RIMS2: variants seen among roughly 807,000 people sequenced by gnomAD.
RIMS2 encodes regulating synaptic membrane exocytosis protein 2.
RIMS2 carries 59 observed loss-of-function variants against 174.4 expected under a neutral mutation model. The observed-to-expected ratio is 0.34, with a 90% CI of 0.27 to 0.42. The LOEUF is 0.42. Ranked by LOEUF, RIMS2 falls within the 10% of genes least tolerant of loss-of-function variation. The probability of loss-of-function intolerance (pLI) is 1.00; values close to 1 mark genes in which losing one functional copy is unlikely to be tolerated. For missense variants in RIMS2, 1,620 were observed against 1,666.3 expected (o/e 0.97, Z 0.48); for synonymous variants, 606 against 572.5 (o/e 1.06, Z -0.84).
intron 19 of RIMS2, among the ~76,000 whole-genome samples, chr8:104,096,875 C>CAAAAAA (rs34215707): frequency 1.5e-5 from 2 of 131,136 alleles, no homozygotes; most frequent in African/African-American, 2.8e-5. Flanking sequence ...CGCCCCCCAC[C>CAAAAAA]AAAAAAAAAA....
chr8:104,220,314 G>T (rs917221627), intron 19 of RIMS2, among the ~76,000 whole-genome samples: 1 of 152,098 alleles, frequency 6.6e-6, no homozygotes, highest in Non-Finnish European at 1.5e-5. Flanking sequence ...GGACAACCTT[G>T]TTCTGAAGCT....
At chr8:103,921,961 TTTA>T (rs1434534820) in intron 10 of RIMS2, 177 bp downstream of exon 13, 1 of 380,650 alleles carries the variant, frequency 2.6e-6, no homozygotes, top group Non-Finnish European at 4.7e-6. Context: ...TACTGCTTCA[TTTA>T]TTAAGAGTTA....
chr8:104,219,925 GGTGACA>G (rs978810520), intron 19 of RIMS2, among the ~76,000 whole-genome samples: 1 of 151,712 alleles, frequency 6.6e-6, no homozygotes, highest in African/African-American at 2.4e-5. Flanking sequence ...TTCCTTAGGG[GGTGACA>G]GTACTTAGAA....
chr8:104,218,170 G>C lies in RIMS2; in HGVS notation c.3335-26746G>C, dbSNP rs75372395. On this transcript the variant is annotated intron_variant, in intron 19 of 23. Transcript: ENST00000504942. The stretch of plus-strand genomic sequence containing the variant: ...TGCAGCATGATTTATAACTTTTCAT[G>C]AGAAATTCCCGTCTCTCTCAGCAAC... Among the ~76,000 whole-genome samples the C allele has an allele frequency of 1.4e-4, 21 of 152,310 alleles. No individual in the cohort carries two copies. The East Asian group carries it at 2.5e-3, about 18-fold the overall frequency.
chr8:103,948,612 CAT>C, intron 14 of RIMS2, among the ~76,000 whole-genome samples: 1 of 151,966 alleles, frequency 6.6e-6, no homozygotes, highest in Middle Eastern at 3.4e-3. Flanking sequence ...ACTTATATAA[CAT>C]ATATAGAAGT....
intron 1 of RIMS2, among the ~76,000 whole-genome samples, chr8:103,643,525 G>A (rs940305320): frequency 2.0e-4 from 30 of 152,094 alleles, no homozygotes; most frequent in Admixed American, 1.8e-3. Flanking sequence ...TCTTAAGTAT[G>A]ACATTTTATG....
intron 3 of RIMS2, among the ~76,000 whole-genome samples, chr8:103,882,983 A>G (rs2099175852): frequency 6.6e-6 from 1 of 151,630 alleles, no homozygotes; most frequent in Non-Finnish European, 1.5e-5. Context: ...ATTATGGGAA[A>G]TCTTTAATGC....
chr8:103,916,799 A>C (rs903490264), intron 8 of RIMS2, among the ~76,000 whole-genome samples: 1 of 152,120 alleles, frequency 6.6e-6, no homozygotes, highest in Non-Finnish European at 1.5e-5. Flanking sequence ...ACACTTTAGA[A>C]GGTGGTTATA....
chr8:103,970,948 A>G (rs867830182), intron 15 of RIMS2, among the ~76,000 whole-genome samples: 1 of 152,158 alleles, frequency 6.6e-6, no homozygotes, highest in Non-Finnish European at 1.5e-5. Flanking sequence ...TGCATTGTTA[A>G]TGTTCTTTAA....
At chr8:103,972,024 C>G (rs554203274) in intron 15 of RIMS2, among the ~76,000 whole-genome samples, 1 of 152,138 alleles carries the variant, frequency 6.6e-6, no homozygotes, top group Non-Finnish European at 1.5e-5. Flanking sequence ...CTATCTTACT[C>G]CTTCTCCTAG....
At chr8:104,043,367 T>C (rs1205659820) in intron 19 of RIMS2, among the ~76,000 whole-genome samples, 1 of 151,652 alleles carries the variant, frequency 6.6e-6, no homozygotes, top group Non-Finnish European at 1.5e-5. Flanking sequence ...GCATTGGTTC[T>C]CTAAGATTGT....
intron 19 of RIMS2, among the ~76,000 whole-genome samples, chr8:104,045,272 A>T (rs979484782): frequency 3.3e-5 from 5 of 151,732 alleles, no homozygotes; most frequent in African/African-American, 4.8e-5. Context: ...TCACTACAAC[A>T]TCTTCTACAC....
intron 1 of RIMS2, among the ~76,000 whole-genome samples, chr8:103,557,992 G>A (rs371312761): frequency 6.6e-6 from 1 of 152,142 alleles, no homozygotes; most frequent in Non-Finnish European, 1.5e-5. Context: ...TATCTCCAAA[G>A]TTCCTTCAGT....
intron 3 of RIMS2, among the ~76,000 whole-genome samples, chr8:103,809,372 AAC>A (rs1311707636): frequency 6.6e-6 from 1 of 152,044 alleles, no homozygotes; most frequent in African/African-American, 2.4e-5. Flanking sequence ...AATTCTCAAT[AAC>A]ACATATAATT....
intron 1 of RIMS2, among the ~76,000 whole-genome samples, chr8:103,585,391 C>G (rs1200428518): frequency 6.7e-6 from 1 of 149,288 alleles, no homozygotes; most frequent in Non-Finnish European, 1.5e-5. Context: ...GGTATATACC[C>G]AAAGGATTAG....
chr8:103,836,810 A>G (rs1450899735), intron 3 of RIMS2, among the ~76,000 whole-genome samples: 6 of 152,212 alleles, frequency 3.9e-5, no homozygotes, highest in African/African-American at 1.2e-4. Flanking sequence ...TTTAAAAACT[A>G]TTACCATATT....
chr8:104,113,049 G>A (rs981935276), intron 19 of RIMS2, among the ~76,000 whole-genome samples: 10 of 151,952 alleles, frequency 6.6e-5, no homozygotes, highest in African/African-American at 2.4e-4. Flanking sequence ...TCTTAAAATT[G>A]TAACATAGTA....
chr8:104,063,527 G>A (rs2097046085), intron 19 of RIMS2, among the ~76,000 whole-genome samples: 1 of 152,280 alleles, frequency 6.6e-6, no homozygotes, highest in South Asian at 2.1e-4. Flanking sequence ...GTAAGGAATA[G>A]AGGGAATGTT....
chr8:103,811,982 T>C (rs2098690491), intron 3 of RIMS2, among the ~76,000 whole-genome samples: 1 of 152,298 alleles, frequency 6.6e-6, no homozygotes, highest in East Asian at 1.9e-4. Flanking sequence ...TTAGATGCCA[T>C]AAACTGTTGT....
Sources: gnomAD v4.1 joint callset for allele counts (sites outside exome capture counted in the v4.1 genomes callset) on GRCh38, gnomAD v4.1.1 for gene constraint, MANE v1.5 for transcripts, NCBI Gene and HGNC (gene_info 2026-07-23, HGNC 2026-07-21) for gene names.